The following ST6GALNAC3 variants were observed in gnomAD, a reference collection of about 807,000 sequenced individuals.
ST6GALNAC3 encodes alpha-N-acetylgalactosaminide alpha-2,6-sialyltransferase 3.
ST6GALNAC3 carries 25 observed loss-of-function variants against 32.7 expected under a neutral mutation model. The ratio of observed to expected loss-of-function variants is 0.76; its 90% CI spans 0.56 to 1.07. The LOEUF is 1.07. Among genes scored for constraint, ST6GALNAC3 ranks in the 50% least tolerant of loss-of-function variants. The probability of loss-of-function intolerance (pLI) is 0.00; values close to 1 mark genes in which losing one functional copy is unlikely to be tolerated. For synonymous variants in ST6GALNAC3, 129 were observed against 133.1 expected, an observed-to-expected ratio of 0.97 and a Z score of 0.21; for missense variants, 355 against 382.4, an observed-to-expected ratio of 0.93 and a Z score of 0.60.
At chr1:76,321,002 T>G (rs528232733) in intron 2 of ST6GALNAC3, among the ~76,000 whole-genome samples, 30 of 151,802 alleles carry the variant, frequency 2.0e-4, no homozygotes, top group Middle Eastern at 3.4e-3. Context: ...TATATATATA[T>G]AGTCAGGTAG....
intron 1 of ST6GALNAC3, among the ~76,000 whole-genome samples, chr1:76,209,655 A>G (rs1455039079): frequency 6.6e-6 from 1 of 152,236 alleles, no homozygotes; most frequent in African/African-American, 2.4e-5. Flanking sequence ...AGATGAAGCC[A>G]TTGGTGCCCC....
At chr1:76,593,510 A>T (rs1422082503) in intron 3 of ST6GALNAC3, among the ~76,000 whole-genome samples, 1 of 152,218 alleles carries the variant, frequency 6.6e-6, no homozygotes, top group East Asian at 1.9e-4. Context: ...GGCCTTGGAC[A>T]GGGCAGAATT....
intron 1 of ST6GALNAC3, among the ~76,000 whole-genome samples, chr1:76,162,227 A>T (rs962322054): frequency 3.9e-5 from 6 of 152,232 alleles, no homozygotes; most frequent in African/African-American, 1.4e-4. Flanking sequence ...GTGAGAATAA[A>T]TAAGATAATC....
chr1:76,484,806 C>T (rs1659988217), intron 3 of ST6GALNAC3, among the ~76,000 whole-genome samples: 1 of 152,160 alleles, frequency 6.6e-6, no homozygotes, highest in African/African-American at 2.4e-5. Context: ...TGCCAGTTTT[C>T]AAAGGGAATG....
intron 1 of ST6GALNAC3, among the ~76,000 whole-genome samples, chr1:76,097,368 G>A (rs1022756311): frequency 1.3e-5 from 2 of 152,160 alleles, no homozygotes; most frequent in Admixed American, 1.3e-4. Context: ...CCTCCATGCT[G>A]TTCTCGTGAT....
intron 3 of ST6GALNAC3, among the ~76,000 whole-genome samples, chr1:76,623,410 A>G (rs577957744): frequency 6.6e-6 from 1 of 151,756 alleles, no homozygotes; most frequent in Non-Finnish European, 1.5e-5. Flanking sequence ...AAGCTTTCCT[A>G]TTGCACAGAA....
chr1:76,320,202 G>T (rs1042061326), intron 2 of ST6GALNAC3, among the ~76,000 whole-genome samples: 1 of 152,106 alleles, frequency 6.6e-6, no homozygotes, highest in Non-Finnish European at 1.5e-5. Flanking sequence ...AAAAAGCAAA[G>T]GTTCAGAATA....
Position 76,441,368 on chromosome 1 carries a change from GC to G in ST6GALNAC3, c.623+28952del, listed in dbSNP as rs576761360. Among the ~76,000 whole-genome samples the G allele has an allele frequency of 2.0e-4, 31 of 152,200 alleles. No individual in the cohort carries two copies. In the East Asian group the frequency reaches 6.0e-3, roughly 29 times the overall value. On this transcript the variant is annotated intron_variant, in intron 3 of 4. Transcript: ENST00000328299. ...ATTATTGTCTTCATTTTACAATAAG[GC>G]AAGTGAAGCTCAGAAAGATTATGAG...
chr1:76,458,720 C>T (rs1658042609), intron 3 of ST6GALNAC3, among the ~76,000 whole-genome samples: 1 of 119,296 alleles, frequency 8.4e-6, no homozygotes, highest in South Asian at 2.7e-4. Flanking sequence ...GAACATCACA[C>T]TCTGGGGACT....
intron 2 of ST6GALNAC3, among the ~76,000 whole-genome samples, chr1:76,327,076 C>T (rs1409469443): frequency 1.3e-5 from 2 of 151,888 alleles, no homozygotes; most frequent in African/African-American, 2.4e-5. Flanking sequence ...TAAAATAATG[C>T]CTATGTGTGT....
chr1:76,559,233 A>AT (rs1665106666), intron 3 of ST6GALNAC3, among the ~76,000 whole-genome samples: 1 of 152,154 alleles, frequency 6.6e-6, no homozygotes, highest in African/African-American at 2.4e-5. Context: ...CTACTGAAGA[A>AT]TTTTGAATAT....
rs112729977 is a variant in ST6GALNAC3 at position 76,589,973 on chromosome 1, C to T, written c.624-37479C>T. Among the ~76,000 whole-genome samples the T allele has an allele frequency of 5.8e-3, 880 of 152,126 alleles. 6 individuals are homozygous for T. Among genetic ancestry groups the T allele is most frequent in the African/African-American group, 0.02 (831 of 41,512 alleles). Reference sequence around the variant, plus strand: ...TAATCCATTTTTTATTCAGCGTCACCTTCTCTTTCAATGGGCTAAGTATCC... The same window carrying T: ...TAATCCATTTTTTATTCAGCGTCACTTTCTCTTTCAATGGGCTAAGTATCC... On this transcript the variant is annotated intron_variant, in intron 3 of 4. Transcript: ENST00000328299.
At chr1:76,603,603 T>C (rs1647342545) in intron 3 of ST6GALNAC3, among the ~76,000 whole-genome samples, 1 of 152,156 alleles carries the variant, frequency 6.6e-6, no homozygotes, top group Admixed American at 6.6e-5. Flanking sequence ...AAAATAACAG[T>C]TACTCCTGCC....
At chr1:76,609,737 T>C (rs1647796782) in intron 3 of ST6GALNAC3, among the ~76,000 whole-genome samples, 1 of 152,208 alleles carries the variant, frequency 6.6e-6, no homozygotes, top group Admixed American at 6.5e-5. Context: ...TAGTGAAGAA[T>C]TCCATTAACT....
At chr1:76,553,701 A>T (rs1664763640) in intron 3 of ST6GALNAC3, among the ~76,000 whole-genome samples, 1 of 152,292 alleles carries the variant, frequency 6.6e-6, no homozygotes, top group Non-Finnish European at 1.5e-5. Context: ...TAGTAATTAC[A>T]TGATTTTTGA....
rs1049516852 is a variant in ST6GALNAC3 at position 76,555,832 on chromosome 1, A to C, written c.624-71620A>C. On this transcript the variant is annotated intron_variant, in intron 3 of 4. Transcript: ENST00000328299. ...ATTCTGGGTACCAGGAAAATTCAAT[A>C]AGAAATTCTGGGGTTAGGACATAAT... Among the ~76,000 whole-genome samples, 9 of 152,132 alleles carry C rather than the reference A, an allele frequency of 5.9e-5. No homozygotes were observed. The South Asian group carries it at 1.9e-3, about 31-fold the overall frequency.
intron 1 of ST6GALNAC3, among the ~76,000 whole-genome samples, chr1:76,117,677 G>T (rs1648571914): frequency 6.6e-6 from 1 of 152,168 alleles, no homozygotes. Context: ...GAAGGTCTAG[G>T]CTAAAGATGG....
At chr1:76,428,058 T>A (rs1423704233) in intron 3 of ST6GALNAC3, among the ~76,000 whole-genome samples, 3 of 152,090 alleles carry the variant, frequency 2.0e-5, no homozygotes, top group Non-Finnish European at 2.9e-5. Context: ...AGTATTATTA[T>A]TGTTATTATT....
intron 3 of ST6GALNAC3, among the ~76,000 whole-genome samples, chr1:76,452,854 G>C (rs556012088): frequency 4.6e-5 from 7 of 152,232 alleles, no homozygotes; most frequent in Non-Finnish European, 1.0e-4. Flanking sequence ...AGTAGGATTG[G>C]TACCAATTTT....
Sources: allele counts gnomAD v4.1 joint callset (sites outside exome capture counted in the v4.1 genomes callset), GRCh38; gene constraint gnomAD v4.1.1; transcripts MANE v1.5; gene names NCBI Gene and HGNC (gene_info 2026-07-23, HGNC 2026-07-21).